FOXP2: variants seen among roughly 807,000 people sequenced by gnomAD.
The protein encoded by FOXP2 is forkhead box protein P2.
Under a neutral mutation model 115.8 loss-of-function variants are expected in FOXP2, and 12 were observed. The observed-to-expected ratio is 0.10, with a 90% CI of 0.07 to 0.17. The LOEUF (loss-of-function observed/expected upper bound fraction) is 0.17. Ranked by LOEUF, FOXP2 falls within the 10% of genes least tolerant of loss-of-function variation. The pLI is 1.00. For missense variants in FOXP2, 629 were observed against 843.5 expected, an observed-to-expected ratio of 0.75 and a Z score of 3.15; for synonymous variants, 328 against 297.7, an observed-to-expected ratio of 1.10 and a Z score of -1.05.
At chr7:114,461,319 A>G (rs1447097752) in intron 2 of FOXP2, among the ~76,000 whole-genome samples, 1 of 152,144 alleles carries the variant, frequency 6.6e-6, no homozygotes, top group Non-Finnish European at 1.5e-5. Flanking sequence ...CTGATCACAT[A>G]AGAGTTTGTT....
At chr7:114,374,604 T>A (rs1303772319) in intron 2 of FOXP2, among the ~76,000 whole-genome samples, 1 of 152,134 alleles carries the variant, frequency 6.6e-6, no homozygotes, top group African/African-American at 2.4e-5. Context: ...ATTAAGGAAT[T>A]AAGGAATTCC....
intron 2 of FOXP2, among the ~76,000 whole-genome samples, chr7:114,376,620 T>C (rs1301945458): frequency 6.6e-6 from 1 of 152,162 alleles, no homozygotes; most frequent in Non-Finnish European, 1.5e-5. Context: ...TCTAAATATA[T>C]AGCAGCATAA....
intron 8 of FOXP2, among the ~76,000 whole-genome samples, chr7:114,649,905 G>A (rs1268352396): frequency 6.6e-6 from 1 of 152,048 alleles, no homozygotes; most frequent in Non-Finnish European, 1.5e-5. Context: ...ATGTGTCCTC[G>A]AAAAGTGCTT....
intron 2 of FOXP2, among the ~76,000 whole-genome samples, chr7:114,353,324 A>G (rs1791538367): frequency 8.0e-6 from 1 of 125,010 alleles, no homozygotes; most frequent in Non-Finnish European, 1.6e-5. Context: ...GTTAATCTGT[A>G]TAGGAGCCTC....
rs1329364908 is a variant in FOXP2, at chr7:114,287,601, A to AC, written c.-101-417dup. ...CAATTTGTTAATTGTGGAAAATCCT[A>AC]CAAAGCTCATTAAGTATGTGTTGAA... On this transcript the variant is annotated intron_variant, in intron 1 of 17. Transcript: ENST00000634411. Among the ~76,000 whole-genome samples, 3 of 152,132 alleles carry AC rather than the reference A, an allele frequency of 2.0e-5. No individual in the cohort carries two copies. The East Asian group carries it at 5.8e-4, about 29-fold the overall frequency.
chr7:114,350,576 A>T (rs1464152804), intron 2 of FOXP2, among the ~76,000 whole-genome samples: 19 of 152,118 alleles, frequency 1.2e-4, no homozygotes, highest in Admixed American at 1.2e-3. Flanking sequence ...TCCCCCTCAC[A>T]TAAGAGCCTC....
chr7:114,540,548 C>G (rs1799606407), intron 3 of FOXP2, among the ~76,000 whole-genome samples: 1 of 151,938 alleles, frequency 6.6e-6, no homozygotes, highest in Non-Finnish European at 1.5e-5. Context: ...AGGAGATATT[C>G]AGAGTTGCAC....
chr7:114,198,002 T>C lies in FOXP2; in HGVS notation c.-102+34914T>C, dbSNP rs1793955943. On this transcript the variant is annotated intron_variant, in intron 1 of 17. Transcript: ENST00000634411. ...ACCTCAGCACCCCAGGTAGCTGGGA[T>C]TACAGGCATGCACCACCATGCCCAG... is the stretch of plus-strand genomic sequence containing the variant. Among the ~76,000 whole-genome samples, 3 of 152,134 alleles carry C rather than the reference T, an allele frequency of 2.0e-5. No homozygotes were observed. The South Asian group carries it at 6.2e-4, about 32-fold the overall frequency.
chr7:114,616,461 C>A (rs1376660935), intron 3 of FOXP2, among the ~76,000 whole-genome samples: 1 of 152,090 alleles, frequency 6.6e-6, no homozygotes, highest in Non-Finnish European at 1.5e-5. Flanking sequence ...CCATGCCTGG[C>A]CTACAATAGG....
intron 2 of FOXP2, among the ~76,000 whole-genome samples, chr7:114,490,528 A>G (rs1464519051): frequency 6.6e-6 from 1 of 151,716 alleles, no homozygotes; most frequent in Admixed American, 6.6e-5. Flanking sequence ...TTTATACTTT[A>G]AGTTTTAGGG....
chr7:114,086,649 C>T (rs1488200479), upstream of FOXP2: 3 of 368,122 alleles, frequency 8.1e-6, no homozygotes, highest in Non-Finnish European at 1.6e-5. Flanking sequence ...CGCTACACCT[C>T]CGCACCCCAC....
chr7:114,379,834 T>TA (rs756702735), intron 2 of FOXP2, among the ~76,000 whole-genome samples: 5 of 152,212 alleles, frequency 3.3e-5, no homozygotes, highest in Non-Finnish European at 1.5e-5. Flanking sequence ...TGATGGGTGC[T>TA]ATCAATGCCT....
chr7:114,135,279 G>A (rs1792009755), intron 1 of FOXP2, among the ~76,000 whole-genome samples: 1 of 151,896 alleles, frequency 6.6e-6, no homozygotes, highest in Admixed American at 6.6e-5. Context: ...CAGTGCTGCT[G>A]ATTTTTAGTG....
intron 3 of FOXP2, among the ~76,000 whole-genome samples, chr7:114,610,097 T>G (rs925002060): frequency 6.6e-6 from 1 of 152,244 alleles, no homozygotes; most frequent in African/African-American, 2.4e-5. Flanking sequence ...TTGATCATGA[T>G]GCATATCTGT....
chr7:114,167,457 C>T (rs914650901), intron 1 of FOXP2, among the ~76,000 whole-genome samples: 1 of 152,074 alleles, frequency 6.6e-6, no homozygotes, highest in African/African-American at 2.4e-5. Flanking sequence ...CTGAGTTGAG[C>T]AAGTCTATTG....
chr7:114,556,413 C>T (rs931841674), intron 3 of FOXP2, among the ~76,000 whole-genome samples: 1 of 152,164 alleles, frequency 6.6e-6, no homozygotes, highest in Non-Finnish European at 1.5e-5. Flanking sequence ...AGAAAAGGAA[C>T]TACCACATCC....
At chr7:114,284,537 G>A (rs755329090) in intron 1 of FOXP2, among the ~76,000 whole-genome samples, 1 of 152,040 alleles carries the variant, frequency 6.6e-6, no homozygotes, top group Non-Finnish European at 1.5e-5. Flanking sequence ...TGAACATTTG[G>A]TTCTGATTAT....
At chr7:114,110,136 G>A (rs1475475263) in intron 1 of FOXP2, among the ~76,000 whole-genome samples, 1 of 152,132 alleles carries the variant, frequency 6.6e-6, no homozygotes, top group African/African-American at 2.4e-5. Flanking sequence ...CAGAAGGGCT[G>A]TTTTGACTTC....
intron 2 of FOXP2, among the ~76,000 whole-genome samples, chr7:114,409,218 T>C (rs1300833760): frequency 6.6e-6 from 1 of 152,116 alleles, no homozygotes; most frequent in Admixed American, 6.6e-5. Flanking sequence ...GTTTAATATA[T>C]TAAAATTTCT....
Sources: allele counts gnomAD v4.1 joint callset (sites outside exome capture counted in the v4.1 genomes callset), GRCh38; gene constraint gnomAD v4.1.1; transcripts MANE v1.5; gene names NCBI Gene and HGNC (gene_info 2026-07-23, HGNC 2026-07-21).